GRIN2A: variants seen among roughly 807,000 people sequenced by gnomAD.
GRIN2A encodes the protein glutamate ionotropic receptor NMDA type subunit 2A.
Under a neutral mutation model 113.4 loss-of-function variants are expected in GRIN2A, and 22 were observed. The observed-to-expected ratio is 0.19, with a 90% CI of 0.14 to 0.28. GRIN2A has a LOEUF of 0.28. GRIN2A is among the 10% of genes least tolerant of loss of function. GRIN2A has a pLI of 1.00. For missense variants in GRIN2A, 1,502 were observed against 1,887.0 expected, an observed-to-expected ratio of 0.80 and a Z score of 3.78; for synonymous variants, 827 against 738.4, an observed-to-expected ratio of 1.12 and a Z score of -1.94.
At chr16:10,096,769 T>A (rs1471612523) in intron 2 of GRIN2A, among the ~76,000 whole-genome samples, 1 of 152,126 alleles carries the variant, frequency 6.6e-6, no homozygotes, top group East Asian at 1.9e-4. Context: ...ATTCTCCTTG[T>A]ACTTCCCCTA....
At chr16:9,916,598 C>T (rs928285144) in intron 3 of GRIN2A, among the ~76,000 whole-genome samples, 11 of 152,330 alleles carry the variant, frequency 7.2e-5, no homozygotes, top group African/African-American at 2.4e-4. Flanking sequence ...TTAACAGACA[C>T]CTGGTATTCC....
At chr16:10,124,833 G>A (rs2048901210) in intron 2 of GRIN2A, among the ~76,000 whole-genome samples, 2 of 152,144 alleles carry the variant, frequency 1.3e-5, no homozygotes, top group African/African-American at 4.8e-5. Context: ...CTAATGACAT[G>A]AGGGCTCCTA....
chr16:9,803,205 G>C (rs1488448643), intron 10 of GRIN2A, among the ~76,000 whole-genome samples: 1 of 152,112 alleles, frequency 6.6e-6, no homozygotes, highest in South Asian at 2.1e-4. Context: ...GGGAGTTTGA[G>C]ACCAGCTTGA....
At chr16:9,814,716 A>G (rs756539936) in intron 10 of GRIN2A, among the ~76,000 whole-genome samples, 4 of 152,120 alleles carry the variant, frequency 2.6e-5, no homozygotes, top group Non-Finnish European at 2.9e-5. Flanking sequence ...CACTAGAAGC[A>G]CTAATAAAAA....
chr16:10,045,862 G>A (rs1011030931), intron 2 of GRIN2A, among the ~76,000 whole-genome samples: 1 of 152,114 alleles, frequency 6.6e-6, no homozygotes, highest in Non-Finnish European at 1.5e-5. Flanking sequence ...TTTGCCCTAT[G>A]CCAGGGTTTC....
At chr16:10,161,319 A>G (rs544193185) in intron 2 of GRIN2A, among the ~76,000 whole-genome samples, 1 of 152,176 alleles carries the variant, frequency 6.6e-6, no homozygotes, top group Non-Finnish European at 1.5e-5. Context: ...TCCCAGCCAC[A>G]CTGAACTGTG....
At chr16:10,126,943 A>G (rs1232414664) in intron 2 of GRIN2A, among the ~76,000 whole-genome samples, 1 of 152,146 alleles carries the variant, frequency 6.6e-6, no homozygotes, top group Non-Finnish European at 1.5e-5. Context: ...TCCTGACCTC[A>G]CCATAAACAA....
intron 3 of GRIN2A, among the ~76,000 whole-genome samples, chr16:9,911,107 GGCTAACAGCACAGGA>G (rs1420678230): frequency 6.6e-6 from 1 of 152,076 alleles, no homozygotes; most frequent in Non-Finnish European, 1.5e-5. Context: ...CTATGTGCCT[GGCTAACAGCACAGGA>G]GCTAACAGCA....
intron 11 of GRIN2A, among the ~76,000 whole-genome samples, chr16:9,772,495 C>T (rs186940948): frequency 3.2e-4 from 49 of 152,254 alleles, no homozygotes; most frequent in African/African-American, 8.7e-4. Context: ...CCTCAGCCTC[C>T]GAAGTAGTTG....
intron 2 of GRIN2A, among the ~76,000 whole-genome samples, chr16:10,142,980 G>T (rs1201411337): frequency 6.6e-6 from 1 of 152,200 alleles, no homozygotes; most frequent in Non-Finnish European, 1.5e-5. Context: ...TTCCACAACT[G>T]CTGAAAGCAA....
At chr16:10,040,114 C>CAA in intron 2 of GRIN2A, among the ~76,000 whole-genome samples, 1 of 37,482 alleles carries the variant, frequency 2.7e-5, no homozygotes, top group Non-Finnish European at 5.9e-5. Flanking sequence ...ACATCCACAC[C>CAA]GCACACACTA....
chr16:9,883,685 T>C (rs539644608), intron 4 of GRIN2A, among the ~76,000 whole-genome samples: 1 of 152,298 alleles, frequency 6.6e-6, no homozygotes, highest in South Asian at 2.1e-4. Flanking sequence ...AGTTTGACTT[T>C]GGACAAGGTG....
intron 3 of GRIN2A, among the ~76,000 whole-genome samples, chr16:9,933,378 G>C (rs561925212): frequency 1.3e-5 from 2 of 151,996 alleles, no homozygotes; most frequent in Non-Finnish European, 2.9e-5. Flanking sequence ...AGTCCATGAG[G>C]ACCACCAAGT....
chr16:9,848,596 TA>T (rs1337700946), intron 5 of GRIN2A, among the ~76,000 whole-genome samples: 3 of 149,058 alleles, frequency 2.0e-5, no homozygotes, highest in Non-Finnish European at 3.0e-5. Context: ...TTTTAATGTA[TA>T]AAAATATATG....
rs148893867 is a variant in GRIN2A at position 9,920,668 on chromosome 16, C to T, written c.1007+17291G>A. Among the ~76,000 whole-genome samples the T allele has an allele frequency of 7.7e-3, 1,167 of 151,376 alleles. 13 individuals are homozygous for T. The highest frequency in any genetic ancestry group is 0.027 in the African/African-American group (1,095 of 41,212). On this transcript the variant is annotated intron_variant, in intron 3 of 12. Coordinates refer to ENST00000330684, the MANE Select transcript of GRIN2A (RefSeq NM_001134407.3). Reference sequence around the variant, plus strand: ...TGCAACCTCGCCTCCCAGGTTCAAACGATTCCCCTGCCTCAGCCTCCTGCC... The same window carrying T: ...TGCAACCTCGCCTCCCAGGTTCAAATGATTCCCCTGCCTCAGCCTCCTGCC...
chr16:9,989,547 G>C (rs542323325), intron 2 of GRIN2A, among the ~76,000 whole-genome samples: 1 of 152,002 alleles, frequency 6.6e-6, no homozygotes, highest in Non-Finnish European at 1.5e-5. Flanking sequence ...TCGGAATCTA[G>C]TTAAACTAAA....
chr16:9,929,102 C>T (rs771973510), intron 3 of GRIN2A, among the ~76,000 whole-genome samples: 26 of 152,170 alleles, frequency 1.7e-4, no homozygotes, highest in Non-Finnish European at 2.5e-4. Context: ...GATTATTTAC[C>T]AATTAATGTT....
intron 10 of GRIN2A, among the ~76,000 whole-genome samples, chr16:9,815,789 C>A (rs2042175425): frequency 6.6e-6 from 1 of 152,104 alleles, no homozygotes; most frequent in Non-Finnish European, 1.5e-5. Context: ...CAAAAAAAAC[C>A]AAAGTCTCAA....
intron 2 of GRIN2A, among the ~76,000 whole-genome samples, chr16:9,998,419 A>G (rs1264542757): frequency 6.6e-6 from 1 of 152,210 alleles, no homozygotes; most frequent in Non-Finnish European, 1.5e-5. Flanking sequence ...AATACTTAAT[A>G]GATACAGAAT....
Sources: gnomAD v4.1 joint callset for allele counts (sites outside exome capture counted in the v4.1 genomes callset) on GRCh38, gnomAD v4.1.1 for gene constraint, MANE v1.5 for transcripts, NCBI Gene and HGNC (gene_info 2026-07-23, HGNC 2026-07-21) for gene names.